Variants in PAM observed in about 807,000 individuals in gnomAD.
The protein encoded by PAM is peptidylglycine alpha-amidating monooxygenase.
Under a neutral mutation model 122.1 loss-of-function variants are expected in PAM, and 72 were observed. That is an observed-to-expected ratio of 0.59 (90% CI 0.49 to 0.72). The LOEUF (loss-of-function observed/expected upper bound fraction) is 0.72. Among genes scored for constraint, PAM ranks in the 30% least tolerant of loss-of-function variants. The pLI, the probability that PAM is intolerant of heterozygous loss-of-function variation, is 0.00. For missense variants in PAM, 1,106 were observed against 1,183.7 expected (o/e 0.93, Z 0.96); for synonymous variants, 389 against 404.4 (o/e 0.96, Z 0.46).
chr5:102,969,471 G>A (rs574923615), intron 14 of PAM, among the ~76,000 whole-genome samples: 2 of 152,056 alleles, frequency 1.3e-5, no homozygotes. Flanking sequence ...GCAGAGATGG[G>A]GGTCCTTTCT....
intron 1 of PAM, among the ~76,000 whole-genome samples, chr5:102,779,886 CAT>C (rs767088116): frequency 0.075 from 6,064 of 80,904 alleles, 254 homozygotes; most frequent in Admixed American, 0.12. Flanking sequence ...CTCCCATATA[CAT>C]ATATATATAT....
At chr5:102,947,965 C>T (rs529240495) in intron 8 of PAM, among the ~76,000 whole-genome samples, 3 of 152,306 alleles carry the variant, frequency 2.0e-5, no homozygotes, top group East Asian at 3.9e-4. Flanking sequence ...AGGCAATTCA[C>T]AGGCAGAATC....
chr5:102,865,842 G>T lies in PAM; in HGVS notation c.-354G>T. On this transcript the variant is annotated 5_prime_UTR_variant, in exon 2 of 26. Coordinates refer to ENST00000438793, the MANE Select transcript of PAM (RefSeq NM_001177306.2). ...TTGCAGGTTCTGAATGATGACTGAC[G>T]CGGGTTTGGGTGATACCCCTCACAG... 4.2e-6 allele frequency: 1 copy of T among 239,796 alleles called. No individual in the cohort carries two copies. The highest frequency in any genetic ancestry group is 7.9e-6 in the Non-Finnish European group (1 of 126,324). The allele number at this position is 239,796 out of a possible 1,614,324, so 14.9% of individuals were successfully genotyped here. A position where few individuals can be genotyped will look rare whatever the true frequency, so the allele number is the denominator to read the frequency against.
intron 3 of PAM, among the ~76,000 whole-genome samples, chr5:102,884,069 G>A (rs1792192444): frequency 6.6e-6 from 1 of 151,648 alleles, no homozygotes; most frequent in South Asian, 2.1e-4. Flanking sequence ...CAATATACAT[G>A]TGTCTGTTTG....
chr5:102,780,270 C>T (rs460417), intron 1 of PAM, among the ~76,000 whole-genome samples: 66,394 of 151,592 alleles, frequency 0.44, 14,843 homozygotes, highest in African/African-American at 0.52. Flanking sequence ...AGATATGCCC[C>T]GAGGATCAGG....
At chr5:103,016,453 C>A (rs1562256292) in intron 21 of PAM, among the ~76,000 whole-genome samples, 1 of 152,130 alleles carries the variant, frequency 6.6e-6, no homozygotes. Flanking sequence ...AAGATGTTAT[C>A]TATATCCTGC....
At chr5:102,777,092 A>G (rs1311957709) in intron 1 of PAM, among the ~76,000 whole-genome samples, 1 of 152,134 alleles carries the variant, frequency 6.6e-6, no homozygotes, top group Non-Finnish European at 1.5e-5. Flanking sequence ...AGTTTTCTAA[A>G]CATGGGACTT....
intron 1 of PAM, among the ~76,000 whole-genome samples, chr5:102,800,847 T>G (rs1436293547): frequency 1.3e-5 from 2 of 152,158 alleles, no homozygotes; most frequent in East Asian, 3.9e-4. Flanking sequence ...GCCCAAGATA[T>G]GTGTAATTAA....
At chr5:102,879,456 T>C (rs369236058) in intron 3 of PAM, among the ~76,000 whole-genome samples, 28 of 152,266 alleles carry the variant, frequency 1.8e-4, no homozygotes, top group African/African-American at 6.5e-4. Flanking sequence ...AGGAGGGGCC[T>C]GGTGGGAGGT....
chr5:102,912,741 G>T (rs1801785817), intron 4 of PAM, among the ~76,000 whole-genome samples: 2 of 151,932 alleles, frequency 1.3e-5, no homozygotes, highest in South Asian at 4.1e-4. Context: ...GTTATAGCAA[G>T]TCCATTTTCT....
At chr5:102,923,469 C>A (rs1038505824) in intron 5 of PAM, among the ~76,000 whole-genome samples, 10 of 152,210 alleles carry the variant, frequency 6.6e-5, no homozygotes, top group African/African-American at 2.4e-4. Flanking sequence ...AGTCTTCAAG[C>A]TTTTCAGATC....
chr5:103,006,390 TA>T (rs1778982001), intron 18 of PAM, among the ~76,000 whole-genome samples: 2 of 152,160 alleles, frequency 1.3e-5, no homozygotes, highest in African/African-American at 4.8e-5. Flanking sequence ...ATATCAAGCG[TA>T]ATATGCTTTT....
At chr5:102,942,436 A>G (rs1755577077) in intron 7 of PAM, among the ~76,000 whole-genome samples, 1 of 152,100 alleles carries the variant, frequency 6.6e-6, no homozygotes, top group Non-Finnish European at 1.5e-5. Flanking sequence ...GCATTTAGTG[A>G]TAATATAAAA....
intron 3 of PAM, among the ~76,000 whole-genome samples, chr5:102,890,963 T>C (rs879438176): frequency 1.3e-4 from 20 of 151,910 alleles, no homozygotes; most frequent in Admixed American, 9.9e-4. Context: ...GAGTCCTTCC[T>C]TTTCTTGAAT....
At chr5:102,893,795 TG>T (rs1179059418) in intron 3 of PAM, among the ~76,000 whole-genome samples, 1 of 151,790 alleles carries the variant, frequency 6.6e-6, no homozygotes, top group Admixed American at 6.6e-5. Context: ...ATTCTCTACT[TG>T]GTGGCATATT....
At chr5:103,023,505 CAAA>C (rs55641270) in intron 23 of PAM, among the ~76,000 whole-genome samples, 3 of 115,856 alleles carry the variant, frequency 2.6e-5, no homozygotes, top group African/African-American at 3.2e-5. Context: ...CTATAGCAAC[CAAA>C]AAAAAAAAAA....
At chr5:102,903,828 G>T (rs762495651) in intron 4 of PAM, among the ~76,000 whole-genome samples, 1 of 151,530 alleles carries the variant, frequency 6.6e-6, no homozygotes, top group Non-Finnish European at 1.5e-5. Context: ...AGGTGGAGCT[G>T]AAATATAGCA....
intron 5 of PAM, among the ~76,000 whole-genome samples, chr5:102,916,734 T>G (rs1165680475): frequency 3.4e-5 from 5 of 147,592 alleles, no homozygotes; most frequent in Non-Finnish European, 7.4e-5. Context: ...ATATATTTAT[T>G]TTATATTCTT....
intron 1 of PAM, among the ~76,000 whole-genome samples, chr5:102,846,959 C>A (rs558028634): frequency 1.3e-5 from 2 of 152,244 alleles, no homozygotes; most frequent in South Asian, 4.2e-4. Context: ...CCAGTTAAGT[C>A]AAGTGGACAA....
Sources: allele counts gnomAD v4.1 joint callset (sites outside exome capture counted in the v4.1 genomes callset), GRCh38; gene constraint gnomAD v4.1.1; transcripts MANE v1.5; gene names NCBI Gene and HGNC (gene_info 2026-07-23, HGNC 2026-07-21).